MAML2: variants seen among roughly 807,000 people sequenced by gnomAD.
The protein encoded by MAML2 is mastermind like transcriptional coactivator 2.
A neutral mutation model predicts 96.1 loss-of-function variants in MAML2; 22 were observed. The ratio of observed to expected loss-of-function variants is 0.23; its 90% CI spans 0.16 to 0.33. The LOEUF is 0.33. Among genes scored for constraint, MAML2 ranks in the 10% least tolerant of loss-of-function variants. MAML2 has a pLI of 1.00. For synonymous variants in MAML2, 561 were observed against 521.3 expected (o/e 1.08, Z -1.04); for missense variants, 1,367 against 1,392.4 (o/e 0.98, Z 0.29).
At chr11:96,102,148 T>C (rs1591014474) in intron 1 of MAML2, among the ~76,000 whole-genome samples, 6 of 151,928 alleles carry the variant, frequency 3.9e-5, no homozygotes, top group Admixed American at 2.6e-4. Context: ...TGGTGGCGGG[T>C]GCCTGTAGTC....
chr11:96,169,364 T>G (rs774764931), intron 1 of MAML2, among the ~76,000 whole-genome samples: 6 of 152,250 alleles, frequency 3.9e-5, no homozygotes, highest in Non-Finnish European at 7.3e-5. Flanking sequence ...CCTCCTGCTC[T>G]GCCTGCAGCA....
chr11:96,030,096 G>A (rs934136978), intron 2 of MAML2, among the ~76,000 whole-genome samples: 2 of 152,174 alleles, frequency 1.3e-5, no homozygotes, highest in Non-Finnish European at 2.9e-5. Context: ...AGCCGGGCGT[G>A]GTAGCGGACA....
At chr11:96,050,648 G>T (rs536879197) in intron 2 of MAML2, among the ~76,000 whole-genome samples, 1 of 152,302 alleles carries the variant, frequency 6.6e-6, no homozygotes, top group African/African-American at 2.4e-5. Flanking sequence ...TTGGTAGAGT[G>T]CATCTGGACT....
intron 2 of MAML2, among the ~76,000 whole-genome samples, chr11:96,015,610 A>G (rs1590962872): frequency 1.3e-5 from 2 of 148,916 alleles, no homozygotes; most frequent in East Asian, 3.9e-4. Flanking sequence ...TCATGAAGAC[A>G]TATTAGTGAT....
intron 2 of MAML2, among the ~76,000 whole-genome samples, chr11:96,048,199 T>G (rs1017739852): frequency 5.9e-5 from 9 of 152,182 alleles, no homozygotes; most frequent in Non-Finnish European, 1.2e-4. Context: ...TTTAAAAGGT[T>G]GCTGACACCC....
At chr11:96,073,322 T>C (rs1352623799) in intron 2 of MAML2, among the ~76,000 whole-genome samples, 1 of 1,128 alleles carries the variant, frequency 8.9e-4, no homozygotes, top group Admixed American at 0.017. Flanking sequence ...TTTTCTTTTC[T>C]TTTTTTTTTT....
chr11:96,100,748 C>CTTT (rs529252464), intron 1 of MAML2, among the ~76,000 whole-genome samples: 1 of 109,324 alleles, frequency 9.1e-6, no homozygotes, highest in Non-Finnish European at 2.0e-5. Flanking sequence ...TTTTTTTTTT[C>CTTT]TTTTTTTTTT....
rs991940851 is a variant in MAML2, at chr11:96,006,868, C to T, written c.2140-15145G>A. Among the ~76,000 whole-genome samples, 4 of 114,732 alleles carry T rather than the reference C, an allele frequency of 3.5e-5. No individual in the cohort carries two copies. In the Admixed American group the frequency reaches 3.7e-4, roughly 11 times the overall value. 75.3% of individuals were successfully genotyped at this position (114,732 alleles called of 152,430 possible). A position where few individuals can be genotyped will look rare whatever the true frequency, so the allele number is the denominator to read the frequency against. ...AGCCACCACGCCTGGCCAGGAATAT[C>T]TTATACACACACACACACACACACA... On this transcript the variant is annotated intron_variant, in intron 2 of 4. Transcript: ENST00000524717.
At chr11:96,297,321 T>A (rs1209564768) in intron 1 of MAML2, among the ~76,000 whole-genome samples, 1 of 152,168 alleles carries the variant, frequency 6.6e-6, no homozygotes, top group Non-Finnish European at 1.5e-5. Context: ...ATGCCTATAA[T>A]CCCAGCACTT....
intron 1 of MAML2, among the ~76,000 whole-genome samples, chr11:96,271,527 T>C (rs1203075507): frequency 6.6e-6 from 1 of 152,204 alleles, no homozygotes; most frequent in East Asian, 1.9e-4. Context: ...ATGGGAGCAG[T>C]TACCTCCATG....
At chr11:96,138,059 G>A (rs148447862) in intron 1 of MAML2, among the ~76,000 whole-genome samples, 115 of 152,176 alleles carry the variant, frequency 7.6e-4, no homozygotes, top group Admixed American at 1.4e-3. Flanking sequence ...CTAACTTGGC[G>A]TTATTAGGGC....
intron 2 of MAML2, among the ~76,000 whole-genome samples, chr11:95,998,122 A>ATCTGTCTGTCAGTCTG (rs1554993525): frequency 4.3e-4 from 50 of 117,440 alleles, no homozygotes; most frequent in African/African-American, 1.5e-3. Flanking sequence ...TTTTCTATCT[A>ATCTGTCTGTCAGTCTG]TCTGTCTGTC....
At chr11:95,999,293 T>C (rs1031749723) in intron 2 of MAML2, among the ~76,000 whole-genome samples, 2 of 152,154 alleles carry the variant, frequency 1.3e-5, no homozygotes, top group Admixed American at 1.3e-4. Flanking sequence ...ATGGTCAATA[T>C]GTGAGAGATC....
chr11:96,131,663 C>A (rs2135856479), intron 1 of MAML2, among the ~76,000 whole-genome samples: 1 of 152,266 alleles, frequency 6.6e-6, no homozygotes, highest in East Asian at 1.9e-4. Context: ...CGTGGAGTTT[C>A]TTTATAGGGT....
intron 1 of MAML2, among the ~76,000 whole-genome samples, chr11:96,232,238 T>A (rs996128611): frequency 3.3e-5 from 5 of 152,350 alleles, no homozygotes; most frequent in Admixed American, 3.3e-4. Context: ...TTCAAACGGC[T>A]GCACAGATTA....
chr11:96,228,197 T>C (rs1378105566), intron 1 of MAML2, among the ~76,000 whole-genome samples: 8 of 152,194 alleles, frequency 5.3e-5, no homozygotes, highest in Admixed American at 5.2e-4. Flanking sequence ...GACAGCCCAG[T>C]CTTGGCCACA....
chr11:96,248,200 T>A (rs1862536246), intron 1 of MAML2, among the ~76,000 whole-genome samples: 1 of 148,332 alleles, frequency 6.7e-6, no homozygotes, highest in South Asian at 2.2e-4. Context: ...GCAGCCTCCA[T>A]CTCCTAGGTT....
chr11:96,139,542 CT>C (rs10531010), intron 1 of MAML2, among the ~76,000 whole-genome samples: 74,624 of 145,924 alleles, frequency 0.51, 19,455 homozygotes, highest in East Asian at 0.77. Flanking sequence ...ATAACAGTTC[CT>C]TTTTTTTTTT....
intron 1 of MAML2, among the ~76,000 whole-genome samples, chr11:96,176,327 G>T (rs1327357262): frequency 6.6e-6 from 1 of 152,200 alleles, no homozygotes; most frequent in African/African-American, 2.4e-5. Context: ...TGAATAAGCT[G>T]TCAATCACTG....
Sources: allele counts gnomAD v4.1 joint callset (sites outside exome capture counted in the v4.1 genomes callset), GRCh38; gene constraint gnomAD v4.1.1; transcripts MANE v1.5; gene names NCBI Gene and HGNC (gene_info 2026-07-23, HGNC 2026-07-21).